The following ARMH4 variants were observed in gnomAD, a reference collection of about 807,000 sequenced individuals.
ARMH4 encodes armadillo like helical domain containing 4.
A neutral mutation model predicts 61.9 loss-of-function variants in ARMH4; 49 were observed. The observed-to-expected ratio is 0.79, with a 90% CI of 0.63 to 1.00. The LOEUF is 1.00. Ranked by LOEUF, ARMH4 falls within the 50% of genes least tolerant of loss-of-function variation. ARMH4 has a pLI of 0.00. For missense variants in ARMH4, 934 were observed against 930.0 expected (o/e 1.00, Z -0.06); for synonymous variants, 368 against 341.5 (o/e 1.08, Z -0.85).
intron 5 of ARMH4, among the ~76,000 whole-genome samples, chr14:58,015,308 G>A (rs996913594): frequency 3.3e-5 from 5 of 152,196 alleles, no homozygotes; most frequent in African/African-American, 1.2e-4. Flanking sequence ...TCATAACACA[G>A]AGTGGGAAAG....
chr14:58,005,293 T>C, intron 6 of ARMH4, 111 bp from the exon 7 acceptor site: 2 of 1,368,888 alleles, frequency 1.5e-6, no homozygotes, highest in Non-Finnish European at 2.0e-6. Flanking sequence ...TTCTCCTGTC[T>C]GCTTTGTTGT....
At chr14:58,071,985 A>C (rs1884897096) in intron 5 of ARMH4, among the ~76,000 whole-genome samples, 1 of 152,204 alleles carries the variant, frequency 6.6e-6, no homozygotes, top group South Asian at 2.1e-4. Context: ...GCAAGAGATC[A>C]TCTCTGACCC....
At chr14:58,064,847 C>A (rs1188274901) in intron 5 of ARMH4, among the ~76,000 whole-genome samples, 1 of 152,166 alleles carries the variant, frequency 6.6e-6, no homozygotes, top group African/African-American at 2.4e-5. Flanking sequence ...CTCTTGAATG[C>A]ATCAAATAGA....
At chr14:58,102,785 T>G (rs1030589595) in intron 4 of ARMH4, among the ~76,000 whole-genome samples, 1 of 124,250 alleles carries the variant, frequency 8.0e-6, no homozygotes, top group African/African-American at 3.1e-5. Flanking sequence ...CAGTCCGCAG[T>G]CCGGCCTGGG....
intron 5 of ARMH4, among the ~76,000 whole-genome samples, chr14:58,080,331 G>A (rs1229669814): frequency 6.6e-6 from 1 of 151,986 alleles, no homozygotes; most frequent in Non-Finnish European, 1.5e-5. Context: ...GTTTCTCCAT[G>A]TTGGTCAGGC....
chr14:58,129,032 T>C (rs1314962309), intron 4 of ARMH4, among the ~76,000 whole-genome samples: 1 of 152,170 alleles, frequency 6.6e-6, no homozygotes, highest in Non-Finnish European at 1.5e-5. Context: ...CCTAGAGGCT[T>C]TGGAGAGAGC....
At chr14:58,048,656 A>C (rs1884018779) in intron 5 of ARMH4, among the ~76,000 whole-genome samples, 1 of 152,212 alleles carries the variant, frequency 6.6e-6, no homozygotes, top group Non-Finnish European at 1.5e-5. Context: ...AAATAGCATG[A>C]GAAAAATGTT....
intron 4 of ARMH4, among the ~76,000 whole-genome samples, chr14:58,098,964 A>G (rs1885857109): frequency 6.6e-6 from 1 of 152,168 alleles, no homozygotes; most frequent in Non-Finnish European, 1.5e-5. Flanking sequence ...GCTTTGGACT[A>G]GGGTACAATC....
intron 5 of ARMH4, among the ~76,000 whole-genome samples, chr14:58,014,218 G>T (rs1383161531): frequency 6.6e-6 from 1 of 152,130 alleles, no homozygotes; most frequent in African/African-American, 2.4e-5. Context: ...CAGAGCCCTT[G>T]TCAAGACCTC....
intron 5 of ARMH4, among the ~76,000 whole-genome samples, chr14:58,032,198 T>C (rs1339069310): frequency 3.3e-5 from 5 of 152,298 alleles, no homozygotes; most frequent in Admixed American, 3.3e-4. Flanking sequence ...TTATGTGTTT[T>C]GCTCATTGCT....
chr14:58,092,930 C>G (rs150736150), intron 5 of ARMH4, among the ~76,000 whole-genome samples: 29 of 151,862 alleles, frequency 1.9e-4, no homozygotes, highest in African/African-American at 6.0e-4. Flanking sequence ...TTGGGTGTGC[C>G]CCAACCCAAA....
chr14:58,151,908 G>A (rs1268364373), intron 1 of ARMH4, among the ~76,000 whole-genome samples, 167 bp downstream of exon 1: 1 of 152,148 alleles, frequency 6.6e-6, no homozygotes, highest in African/African-American at 2.4e-5. Context: ...ACCGCGCTCC[G>A]GAGGAGGATC....
At chr14:58,078,088 C>T (rs1885104367) in intron 5 of ARMH4, among the ~76,000 whole-genome samples, 1 of 152,196 alleles carries the variant, frequency 6.6e-6, no homozygotes, top group Non-Finnish European at 1.5e-5. Flanking sequence ...CATTACCTCT[C>T]ATGTTTCAAC....
chr14:58,121,347 C>CA (rs974345824), intron 4 of ARMH4, among the ~76,000 whole-genome samples: 29 of 151,346 alleles, frequency 1.9e-4, no homozygotes, highest in African/African-American at 5.6e-4. Context: ...GCCGGACTGG[C>CA]AAAAAAAAGG....
intron 5 of ARMH4, among the ~76,000 whole-genome samples, chr14:58,017,874 T>C (rs1346108149): frequency 1.2e-4 from 18 of 151,462 alleles, no homozygotes; most frequent in Non-Finnish European, 1.5e-5. Context: ...AGTACCTAAC[T>C]TCAAAATATA....
At chr14:58,150,675 T>C (rs1035579557) in intron 1 of ARMH4, among the ~76,000 whole-genome samples, 2 of 152,144 alleles carry the variant, frequency 1.3e-5, no homozygotes, top group Non-Finnish European at 2.9e-5. Flanking sequence ...GCCTTGGGAG[T>C]TTCTATGAAT....
chr14:58,021,075 T>C (rs1177382274), intron 5 of ARMH4, among the ~76,000 whole-genome samples: 1 of 152,208 alleles, frequency 6.6e-6, no homozygotes, highest in African/African-American at 2.4e-5. Context: ...TTGCCCCTTT[T>C]CATAGGGCAG....
intron 4 of ARMH4, among the ~76,000 whole-genome samples, chr14:58,112,284 T>G (rs1566585556): frequency 6.9e-6 from 1 of 145,746 alleles, no homozygotes; most frequent in Non-Finnish European, 1.5e-5. Context: ...TGCTTAATTT[T>G]TCTTTTTTTT....
rs78277655 is a variant in ARMH4 at position 58,079,573 on chromosome 14, A to G, written c.2089+17151T>C. On this transcript the variant is annotated intron_variant, in intron 5 of 7. Transcript: ENST00000267485. Reference sequence around the variant, plus strand: ...ACATAAATTTCGGGGGACACATTCAAACCATAGTAGGTATAGAGAAAGATC... The same window carrying G: ...ACATAAATTTCGGGGGACACATTCAGACCATAGTAGGTATAGAGAAAGATC... Among the ~76,000 whole-genome samples, 8 of 152,320 alleles carry G rather than the reference A, an allele frequency of 5.3e-5. No individual in the cohort carries two copies. The East Asian group carries it at 1.3e-3, about 26-fold the overall frequency.
Sources: gnomAD v4.1 joint callset for allele counts (sites outside exome capture counted in the v4.1 genomes callset) on GRCh38, gnomAD v4.1.1 for gene constraint, MANE v1.5 for transcripts, NCBI Gene and HGNC (gene_info 2026-07-23, HGNC 2026-07-21) for gene names.